KCMF1: variants seen among roughly 807,000 people sequenced by gnomAD.
The protein encoded by KCMF1 is potassium channel modulatory factor 1, also known as E3 ubiquitin-protein ligase KCMF1.
A neutral mutation model predicts 41.1 loss-of-function variants in KCMF1; 3 were observed. The observed-to-expected ratio is 0.07, with a 90% CI of 0.03 to 0.19. The LOEUF is 0.19. KCMF1 is among the 10% of genes least tolerant of loss of function. KCMF1 has a pLI of 1.00. For missense variants in KCMF1, 286 were observed against 488.9 expected (o/e 0.58, Z 3.91); for synonymous variants, 142 against 164.5 (o/e 0.86, Z 1.04).
chr2:85,032,884 C>A (rs1213773064), intron 2 of KCMF1, among the ~76,000 whole-genome samples: 1 of 152,134 alleles, frequency 6.6e-6, no homozygotes, highest in Non-Finnish European at 1.5e-5. Flanking sequence ...AAATAAAAAT[C>A]ATTTTACTTC....
Position 85,058,536 on chromosome 2 carries a change from G to GTCCC in KCMF1, c.*5128_*5129insCCCT, listed in dbSNP as rs1675993546. ...ACTGTGTCCTTGGCAGACAGTGCAT[G>GTCCC]TAGCCTGTAGAATGTTGGCTCCTCT... On this transcript the variant is annotated 3_prime_UTR_variant, in exon 7 of 7. Coordinates refer to ENST00000409785, the MANE Select transcript of KCMF1 (RefSeq NM_020122.5). The GTCCC allele has an allele frequency of 2.0e-5, 3 of 152,248 alleles. No homozygotes were observed. The allele number at this position is 152,248 out of a possible 1,614,324, so 9.4% of individuals were successfully genotyped here.
intron 1 of KCMF1, among the ~76,000 whole-genome samples, chr2:84,992,548 T>C (rs987085847): frequency 6.6e-6 from 1 of 152,196 alleles, no homozygotes; most frequent in African/African-American, 2.4e-5. Context: ...ATTTTCTTCT[T>C]GGATACAGAA....
chr2:84,995,117 GT>G (rs1169363174), intron 1 of KCMF1, among the ~76,000 whole-genome samples: 2 of 151,888 alleles, frequency 1.3e-5, no homozygotes, highest in African/African-American at 2.4e-5. Flanking sequence ...CGCCTCCTGG[GT>G]TCAAGCAATT....
chr2:84,971,626 A>G (rs1573997912), intron 1 of KCMF1, among the ~76,000 whole-genome samples, 159 bp downstream of exon 1: 1 of 149,682 alleles, frequency 6.7e-6, no homozygotes, highest in Non-Finnish European at 1.5e-5. Context: ...GAGGGCGGAG[A>G]GCCGCGGCGC....
intron 1 of KCMF1, among the ~76,000 whole-genome samples, chr2:85,007,040 G>A (rs1674488177): frequency 6.7e-6 from 1 of 148,188 alleles, no homozygotes; most frequent in Non-Finnish European, 1.5e-5. Flanking sequence ...GCCAGAGGTT[G>A]CAGTGAGTCG....
intron 3 of KCMF1, among the ~76,000 whole-genome samples, chr2:85,042,244 G>T (rs1558585387): frequency 6.6e-6 from 1 of 152,158 alleles, no homozygotes; most frequent in Non-Finnish European, 1.5e-5. Context: ...AGCTGATTAG[G>T]CATAAGAGAG....
chr2:85,006,758 G>C (rs1674481423), intron 1 of KCMF1, among the ~76,000 whole-genome samples: 1 of 151,954 alleles, frequency 6.6e-6, no homozygotes, highest in Non-Finnish European at 1.5e-5. Flanking sequence ...ACAAAAGTAT[G>C]TATCTAGTAA....
At position 84,975,237 on chromosome 2, in the gene KCMF1, A is replaced by G. The variant is rs1466730751; in HGVS notation, c.16+3770A>G. On this transcript the variant is annotated intron_variant, in intron 1 of 6. Transcript: ENST00000409785. ...AGCCTGGGCGACAGAGTGAGAATCCATCTCCAAAAAAAAAAGTGGTGGTTG... is the reference window on the plus strand; with the variant it reads ...AGCCTGGGCGACAGAGTGAGAATCCGTCTCCAAAAAAAAAAGTGGTGGTTG... Among the ~76,000 whole-genome samples, 6 of 151,636 alleles carry G rather than the reference A, an allele frequency of 4.0e-5. No homozygotes were observed. The East Asian group carries it at 5.8e-4, about 15-fold the overall frequency.
chr2:85,025,375 C>T (rs529577732), intron 1 of KCMF1, among the ~76,000 whole-genome samples: 3 of 152,232 alleles, frequency 2.0e-5, no homozygotes, highest in East Asian at 1.9e-4. Flanking sequence ...ATATACATAG[C>T]ATAAAATTTA....
intron 3 of KCMF1, among the ~76,000 whole-genome samples, chr2:85,039,263 G>A (rs1675470028): frequency 1.3e-5 from 2 of 152,144 alleles, no homozygotes; most frequent in South Asian, 2.1e-4. Flanking sequence ...CCTTGAACTA[G>A]AAATAGGAAT....
At chr2:85,010,359 C>G (rs1674622573) in intron 1 of KCMF1, among the ~76,000 whole-genome samples, 1 of 152,192 alleles carries the variant, frequency 6.6e-6, no homozygotes, top group East Asian at 1.9e-4. Flanking sequence ...ACCCTAGCTA[C>G]TTGGGTGGCT....
At chr2:84,998,073 A>G (rs1674219583) in intron 1 of KCMF1, among the ~76,000 whole-genome samples, 4 of 151,026 alleles carry the variant, frequency 2.6e-5, no homozygotes, top group Admixed American at 2.6e-4. Context: ...GTGCCCAGCC[A>G]AAAAGTACAT....
At chr2:85,008,339 TG>T (rs1427912388) in intron 1 of KCMF1, among the ~76,000 whole-genome samples, 1 of 61,896 alleles carries the variant, frequency 1.6e-5, no homozygotes, top group Non-Finnish European at 2.9e-5. Context: ...ATATATAATA[TG>T]ATATATAATA....
At chr2:84,997,516 A>G (rs1674205954) in intron 1 of KCMF1, among the ~76,000 whole-genome samples, 1 of 152,058 alleles carries the variant, frequency 6.6e-6, no homozygotes, top group Admixed American at 6.6e-5. Flanking sequence ...CTCACTCCCC[A>G]TGGTCTCCTC....
intron 1 of KCMF1, among the ~76,000 whole-genome samples, chr2:84,978,991 GCATGAGCCACCGTGC>G (rs1673630397): frequency 6.6e-6 from 1 of 151,908 alleles, no homozygotes; most frequent in African/African-American, 2.4e-5. Flanking sequence ...TAGGATACAG[GCATGAGCCACCGTGC>G]CTGGCTAATT....
chr2:85,013,541 T>C (rs1252894209), intron 1 of KCMF1, among the ~76,000 whole-genome samples: 2 of 152,102 alleles, frequency 1.3e-5, no homozygotes, highest in East Asian at 3.9e-4. Flanking sequence ...GGCTCATGCT[T>C]GTAATCCCAG....
chr2:85,048,681 C>T (rs142525644), intron 5 of KCMF1, among the ~76,000 whole-genome samples: 1 of 152,166 alleles, frequency 6.6e-6, no homozygotes, highest in African/African-American at 2.4e-5. Flanking sequence ...GCCTTATGGA[C>T]ACAAGACAGT....
rs1673385495 is a variant in KCMF1, at chr2:84,971,312, T to C, written c.-140T>C. 8.7e-6 allele frequency: 2 copies of C among 229,218 alleles called. No homozygotes were observed. The highest frequency in any genetic ancestry group is 1.4e-5 in the Non-Finnish European group (2 of 142,108). The allele number at this position is 229,218 out of a possible 1,614,324, so 14.2% of individuals were successfully genotyped here. ...GCCGCCGCCGCCGCCGCGGGAGCGC[T>C]CCCCTGCCCACCCCGCCCCCGCGGC... On this transcript the variant is annotated 5_prime_UTR_variant, in exon 1 of 7. Transcript: ENST00000409785.
intron 5 of KCMF1, among the ~76,000 whole-genome samples, chr2:85,046,545 G>A (rs1277318061): frequency 6.6e-6 from 1 of 151,476 alleles, no homozygotes; most frequent in Non-Finnish European, 1.5e-5. Context: ...CATGAGAATC[G>A]CTTGAGCCTG....
Sources: gnomAD v4.1 joint callset for allele counts (sites outside exome capture counted in the v4.1 genomes callset) on GRCh38, gnomAD v4.1.1 for gene constraint, MANE v1.5 for transcripts, NCBI Gene and HGNC (gene_info 2026-07-23, HGNC 2026-07-21) for gene names.